MAK: variants seen among roughly 807,000 people sequenced by gnomAD.
MAK encodes the protein serine/threonine-protein kinase MAK.
Under a neutral mutation model 82.6 loss-of-function variants are expected in MAK, and 65 were observed. The observed-to-expected ratio is 0.79, with a 90% CI of 0.64 to 0.97. The LOEUF (loss-of-function observed/expected upper bound fraction) is 0.97, where lower values mean the gene tolerates loss of function less well. Ranked by LOEUF, MAK falls within the 50% of genes least tolerant of loss-of-function variation. The pLI is 0.00. For missense variants in MAK, 703 were observed against 780.2 expected (o/e 0.90, Z 1.18); for synonymous variants, 250 against 274.2 (o/e 0.91, Z 0.87).
At chr6:10,803,989 G>A in intron 6 of MAK, 98 bp from the exon 7 acceptor site, 1 of 1,044,162 alleles carries the variant, frequency 9.6e-7, no homozygotes, top group Admixed American at 1.8e-5. Context: ...TTTCCATCAA[G>A]GAACAGGTAT....
At chr6:10,818,176 T>C (rs181104279) in intron 3 of MAK, among the ~76,000 whole-genome samples, 253 of 152,362 alleles carry the variant, frequency 1.7e-3, no homozygotes, top group Non-Finnish European at 2.6e-3. Context: ...ACAATAGCTA[T>C]TAAACATTTC....
At position 10,818,861 on chromosome 6, in the gene MAK, G is replaced by T. The variant is rs2272883; in HGVS notation, c.156+25C>A. 5.7e-6 allele frequency: 8 copies of T among 1,410,162 alleles called. No homozygotes were observed. In the Admixed American group the frequency reaches 6.8e-5, roughly 12 times the overall value. 87.4% of individuals were successfully genotyped at this position (1,410,162 alleles called of 1,614,324 possible). ...TCAGGTAGTGTTAAGGCCTTCTCAG[G>T]TTCTTTTCATCTTTAGGATTTTACC... On this transcript the variant is annotated intron_variant, in intron 3 of 14. Transcript: ENST00000354489.
chr6:10,836,646 T>C (rs1779165411), intron 1 of MAK, among the ~76,000 whole-genome samples: 1 of 152,232 alleles, frequency 6.6e-6, no homozygotes, highest in Non-Finnish European at 1.5e-5. Context: ...TATTCTTCTC[T>C]GTTGACCTAT....
chr6:10,768,011 T>A (rs1248522730), intron 14 of MAK, among the ~76,000 whole-genome samples: 1 of 152,122 alleles, frequency 6.6e-6, no homozygotes, highest in Non-Finnish European at 1.5e-5. Flanking sequence ...TGAGAGTGAT[T>A]AATATTTACT....
intron 8 of MAK, among the ~76,000 whole-genome samples, chr6:10,799,954 A>G (rs560575443): frequency 4.7e-4 from 72 of 152,334 alleles, no homozygotes; most frequent in African/African-American, 1.6e-3. Context: ...AGGCTGAGAC[A>G]GAAGAATTGC....
rs537317339 is a variant in MAK, at chr6:10,793,422, A to T, written c.1144-1575T>A. On this transcript the variant is annotated intron_variant, in intron 9 of 14. Coordinates refer to ENST00000354489, the MANE Select transcript of MAK (RefSeq NM_001242957.3). The surrounding 1 kb of genome is among the most constrained non-coding windows in gnomAD (Gnocchi z 4.6). ...CAGGAGCAAAACAGACAACTAAACA[A>T]ATACACAGCTGGCAACAAGCTGGGC... 1.2e-4 allele frequency among the ~76,000 whole-genome samples: 19 copies of T among 152,318 alleles called. No homozygotes were observed. Among genetic ancestry groups the T allele is most frequent in the African/African-American group, 4.6e-4 (19 of 41,564 alleles).
At chr6:10,805,050 G>A (rs959159811) in intron 6 of MAK, among the ~76,000 whole-genome samples, 17 of 98,440 alleles carry the variant, frequency 1.7e-4, no homozygotes, top group African/African-American at 4.2e-5. Context: ...GCCCCAGGAT[G>A]AGTGTGTGCA....
intron 11 of MAK, among the ~76,000 whole-genome samples, chr6:10,779,018 C>T (rs921953027): frequency 1.3e-5 from 2 of 150,302 alleles, no homozygotes; most frequent in Non-Finnish European, 2.9e-5. Flanking sequence ...GTCCCAGCTA[C>T]TTGGGAGTCT....
At chr6:10,805,571 GA>G (rs540676488) in intron 6 of MAK, among the ~76,000 whole-genome samples, 7,620 of 126,392 alleles carry the variant, frequency 0.06, 556 homozygotes, top group African/African-American at 0.18. Flanking sequence ...TGGGTGACAG[GA>G]AAAAAAAAAA....
At chr6:10,792,606 T>G (rs1775179872) in intron 9 of MAK, among the ~76,000 whole-genome samples, 1 of 152,140 alleles carries the variant, frequency 6.6e-6, no homozygotes, top group African/African-American at 2.4e-5. Flanking sequence ...ATGAATTGGT[T>G]TTATACAAAT....
chr6:10,795,849 C>A (rs1775502852), intron 9 of MAK, 149 bp downstream of exon 9: 1 of 795,152 alleles, frequency 1.3e-6, no homozygotes, highest in Middle Eastern at 2.3e-4. Flanking sequence ...TTTAAGTGAT[C>A]TCATGTCAAG....
chr6:10,793,895 G>C lies in MAK; in HGVS notation c.1144-2048C>G, dbSNP rs563654047. ...TGGTTTAGAATGTCGGAGGTGATTCGCCCTGCTCTATATTCCCTGCCTGCT... is the reference window on the plus strand; with the variant it reads ...TGGTTTAGAATGTCGGAGGTGATTCCCCCTGCTCTATATTCCCTGCCTGCT... On this transcript the variant is annotated intron_variant, in intron 9 of 14. Coordinates refer to ENST00000354489, the MANE Select transcript of MAK (RefSeq NM_001242957.3). This position sits in a 1 kb window ranked among gnomAD's most constrained non-coding sequence, Gnocchi z 4.6. 2.0e-5 allele frequency among the ~76,000 whole-genome samples: 3 copies of C among 152,154 alleles called. No homozygotes were observed. The highest frequency in any genetic ancestry group is 6.5e-5 in the Admixed American group (1 of 15,270).
chr6:10,809,222 G>A (rs1776733632), intron 5 of MAK, among the ~76,000 whole-genome samples: 1 of 152,144 alleles, frequency 6.6e-6, no homozygotes, highest in Admixed American at 6.5e-5. Flanking sequence ...GGGTGTTCAG[G>A]CACTGGGCTA....
In MAK at chr6:10,770,012, TAA is replaced by T. The variant is rs1772850246; in HGVS notation, c.1792+97_1792+98del. The T allele has an allele frequency of 3.1e-6, 5 of 1,606,864 alleles. No individual in the cohort carries two copies. The Admixed American group carries it at 6.7e-5, about 21-fold the overall frequency. On this transcript the variant is annotated intron_variant, in intron 14 of 14. Transcript: ENST00000354489. ...AATGCGTTAATGAGGTGAGGCTGAC[TAA>T]AAGTCTTCGCTTGGGAAAAGTGACT...
intron 1 of MAK, among the ~76,000 whole-genome samples, chr6:10,836,270 C>T (rs1779143394): frequency 1.3e-5 from 2 of 152,148 alleles, no homozygotes; most frequent in South Asian, 4.1e-4. Flanking sequence ...TTAAGCCCTA[C>T]CTAACCTTTA....
rs371838435 is a variant in MAK at position 10,770,186 on chromosome 6, G to A, written c.1717C>T (p.Pro573Ser). The A allele has an allele frequency of 5.6e-6, 9 of 1,613,952 alleles. No individual in the cohort carries two copies. Among genetic ancestry groups the A allele is most frequent in the African/African-American group, 4.0e-5 (3 of 74,890 alleles). Residue 573 changes from proline to serine, a missense_variant, in exon 14 of 15, where the codon CCT (proline) becomes TCT (serine). Coordinates refer to ENST00000354489, the MANE Select transcript of MAK (RefSeq NM_001242957.3). ...YATYNQSGYI[P>S]SFLKKEVQSA... is the part of the protein sequence containing the mutation. ...TGCACTTCTTTTTTGAGAAAGGAAG[G>A]AATATATCCTGACTGATTGTAAGTA...
chr6:10,797,607 A>G (rs1268998739), intron 8 of MAK: 4 of 985,316 alleles, frequency 4.1e-6, no homozygotes, highest in Non-Finnish European at 4.8e-6. Flanking sequence ...CCTTATTGGC[A>G]TCAAATACCT....
rs1458203787 is a variant in MAK at position 10,796,131 on chromosome 6, G to C, written c.1010C>G (p.Pro337Arg). 1 of 1,614,116 alleles carries C rather than the reference G, an allele frequency of 6.2e-7. No homozygotes were observed. The highest frequency in any genetic ancestry group is 1.1e-5 in the South Asian group (1 of 91,068). The change falls in exon 9 of 15, where the codon CCA becomes CGA. Residue 337 changes from proline (P) to arginine (R), a missense_variant. Coordinates refer to ENST00000354489, the MANE Select transcript of MAK (RefSeq NM_001242957.3). Reference protein sequence around the residue: ...IIDQVVGQPQPKTSQQPLQPI... With the variant: ...IIDQVVGQPQRKTSQQPLQPI... The stretch of plus-strand genomic sequence containing the variant: ...CTGCAGTGGCTGCTGGCTAGTTTTT[G>C]GCTGGGGTTGTCCAACAACCTGATC...
chr6:10,765,304 ATAT>A (rs1377749965), intron 14 of MAK, among the ~76,000 whole-genome samples: 1 of 152,146 alleles, frequency 6.6e-6, no homozygotes, highest in Non-Finnish European at 1.5e-5. Context: ...CATCTAAATA[ATAT>A]TGACACAATA....
Sources: gnomAD v4.1 joint callset for allele counts (sites outside exome capture counted in the v4.1 genomes callset) on GRCh38, gnomAD v4.1.1 for gene constraint, Gnocchi (gnomAD v3.1) non-coding constraint, MANE v1.5 for transcripts, NCBI Gene and HGNC (gene_info 2026-07-23, HGNC 2026-07-21) for gene names.